HDGFL3: variants seen among roughly 807,000 people sequenced by gnomAD.
HDGFL3 encodes hepatoma-derived growth factor-related protein 3.
A neutral mutation model predicts 27.6 loss-of-function variants in HDGFL3; 6 were observed. The ratio of observed to expected loss-of-function variants is 0.22; its 90% CI spans 0.12 to 0.43. The LOEUF is 0.43. Among genes scored for constraint, HDGFL3 ranks in the 20% least tolerant of loss-of-function variants. The pLI is 1.00. For synonymous variants in HDGFL3, 88 were observed against 88.9 expected (o/e 0.99, Z 0.05); for missense variants, 207 against 250.1 (o/e 0.83, Z 1.16).
At chr15:83,158,817 C>A (rs1232801374) in intron 2 of HDGFL3, among the ~76,000 whole-genome samples, 1 of 152,120 alleles carries the variant, frequency 6.6e-6, no homozygotes, top group African/African-American at 2.4e-5. Context: ...CACTACTGTA[C>A]CACGTTAGTA....
At chr15:83,112,893 G>A (rs753388918) in exon 4 of HDGFL3, 44 of 1,612,826 alleles carry the variant, frequency 2.7e-5, no homozygotes, top group Non-Finnish European at 3.7e-5. Flanking sequence ...GGGACCCACT[G>A]TTCTATGGTA....
At chr15:83,145,604 G>A (rs956120671) in intron 5 of HDGFL3, among the ~76,000 whole-genome samples, 43 of 151,902 alleles carry the variant, frequency 2.8e-4, no homozygotes, top group African/African-American at 9.9e-4. Flanking sequence ...GAAAATAAAA[G>A]CCTCCCAGTT....
At chr15:83,120,920 C>T (rs1344709614) in intron 3 of HDGFL3, among the ~76,000 whole-genome samples, 2 of 148,976 alleles carry the variant, frequency 1.3e-5, no homozygotes, top group Non-Finnish European at 3.0e-5. Context: ...ATGAATGGGC[C>T]TCTTGGGGTC....
chr15:83,183,865 G>A (rs1242040816), intron 1 of HDGFL3, among the ~76,000 whole-genome samples: 1 of 151,894 alleles, frequency 6.6e-6, no homozygotes, highest in Non-Finnish European at 1.5e-5. Flanking sequence ...TTTATTTGCA[G>A]AACTTTAACC....
intron 3 of HDGFL3, chr15:83,116,007 A>AC (rs1239267459): frequency 8.1e-7 from 1 of 1,241,254 alleles, no homozygotes; most frequent in African/African-American, 1.5e-5. Flanking sequence ...CACATTACTC[A>AC]GAGACAGAAA....
intron 4 of HDGFL3, among the ~76,000 whole-genome samples, chr15:83,156,973 A>G (rs2037037566): frequency 6.6e-6 from 1 of 152,194 alleles, no homozygotes; most frequent in South Asian, 2.1e-4. Context: ...CTGAGATTAC[A>G]GGTGTGAGCC....
chr15:83,168,242 G>A (rs1268045723), intron 1 of HDGFL3, among the ~76,000 whole-genome samples: 1 of 151,916 alleles, frequency 6.6e-6, no homozygotes, highest in Admixed American at 6.6e-5. Context: ...CATCTTCCCC[G>A]GAGGAACTAG....
At position 83,128,494 on chromosome 15, in the gene HDGFL3, C is replaced by T. The variant is rs2035964308; in HGVS notation, c.*10776G>A. On this transcript the variant is annotated 3_prime_UTR_variant, in exon 6 of 6. Transcript: ENST00000299633. ...TTTTTCCTTTGCAGACCTCTAAATA[C>T]CTGATTCCTCAGTCCTTGGGGTTTA... 2.0e-5 allele frequency: 3 copies of T among 152,174 alleles called. No homozygotes were observed. The allele number at this position is 152,174 out of a possible 1,614,324, so 9.4% of individuals were successfully genotyped here.
chr15:83,120,741 CA>C, intron 3 of HDGFL3, among the ~76,000 whole-genome samples: 1 of 151,970 alleles, frequency 6.6e-6, no homozygotes, highest in Middle Eastern at 3.4e-3. Context: ...ATTTTTAGTA[CA>C]CAAATCTAAA....
intron 5 of HDGFL3, among the ~76,000 whole-genome samples, chr15:83,148,802 AATGTT>A (rs1295742292): frequency 3.3e-5 from 5 of 152,080 alleles, no homozygotes; most frequent in Non-Finnish European, 5.9e-5. Context: ...GTGCTGAGTG[AATGTT>A]ATAAGTTTTT....
chr15:83,183,455 C>G (rs934408040), intron 1 of HDGFL3, among the ~76,000 whole-genome samples: 2 of 152,130 alleles, frequency 1.3e-5, no homozygotes, highest in Non-Finnish European at 2.9e-5. Context: ...AGAACCTTGT[C>G]TGATTGAATA....
intron 1 of HDGFL3, among the ~76,000 whole-genome samples, chr15:83,192,748 T>A (rs2037526987): frequency 6.6e-6 from 1 of 152,226 alleles, no homozygotes; most frequent in African/African-American, 2.4e-5. Context: ...TATGCCTGTT[T>A]TAAAAACAAA....
chr15:83,181,270 G>C (rs1260173254), intron 1 of HDGFL3, among the ~76,000 whole-genome samples: 1 of 152,308 alleles, frequency 6.6e-6, no homozygotes, highest in Non-Finnish European at 1.5e-5. Flanking sequence ...GGATGGGCCA[G>C]ATGATTTACT....
intron 3 of HDGFL3, among the ~76,000 whole-genome samples, chr15:83,117,441 A>AGG (rs1429939900): frequency 6.6e-6 from 1 of 152,118 alleles, no homozygotes; most frequent in Non-Finnish European, 1.5e-5. Flanking sequence ...GAGAGAGAAA[A>AGG]GGGCTGAGCT....
chr15:83,117,847 A>G (rs940231660), intron 3 of HDGFL3, among the ~76,000 whole-genome samples: 1 of 152,072 alleles, frequency 6.6e-6, no homozygotes, highest in Admixed American at 6.6e-5. Flanking sequence ...ATGGGTTGGA[A>G]GGAGGGGACA....
chr15:83,204,652 G>A (rs1279220591), intron 1 of HDGFL3, among the ~76,000 whole-genome samples: 1 of 152,176 alleles, frequency 6.6e-6, no homozygotes, highest in Non-Finnish European at 1.5e-5. Context: ...ATTTAAAATA[G>A]TGTAGTGATA....
chr15:83,197,983 G>A, intron 1 of HDGFL3, among the ~76,000 whole-genome samples: 1 of 139,146 alleles, frequency 7.2e-6, no homozygotes, highest in Non-Finnish European at 1.5e-5. Flanking sequence ...TGAGGAGGGT[G>A]GTAGAGCTTG....
intron 4 of HDGFL3, among the ~76,000 whole-genome samples, chr15:83,154,949 C>T (rs115689207): frequency 2.0e-5 from 3 of 152,166 alleles, no homozygotes; most frequent in Non-Finnish European, 2.9e-5. Flanking sequence ...GCTCAGTACT[C>T]GCCTGGACTC....
rs1298508484 is a variant in HDGFL3, at chr15:83,136,651, G to A, written c.*2619C>T. On this transcript the variant is annotated 3_prime_UTR_variant, in exon 6 of 6. Coordinates refer to ENST00000299633, the MANE Select transcript of HDGFL3 (RefSeq NM_016073.4). ...AACCAGAGTTCTTCATAAAAACAAA[G>A]GCAGAAGAAAAAGTGGAATAAAAAT... The A allele has an allele frequency of 1.3e-6, 2 of 1,590,204 alleles. No homozygotes were observed. The highest frequency in any genetic ancestry group is 1.7e-6 in the Non-Finnish European group (2 of 1,174,004).
Sources: gnomAD v4.1 joint callset for allele counts (sites outside exome capture counted in the v4.1 genomes callset) on GRCh38, gnomAD v4.1.1 for gene constraint, MANE v1.5 for transcripts, NCBI Gene and HGNC (gene_info 2026-07-23, HGNC 2026-07-21) for gene names.